The following TYW1B variants were observed in gnomAD, a reference collection of about 807,000 sequenced individuals.
TYW1B encodes the protein tRNA-yW synthesizing protein 1 homolog B.
In TYW1B, 73 loss-of-function variants were observed where a neutral mutation model predicts 86.9. That is an observed-to-expected ratio of 0.84 (90% CI 0.70 to 1.02). The LOEUF is 1.02. Ranked by LOEUF, TYW1B falls within the 50% of genes least tolerant of loss-of-function variation. TYW1B has a pLI of 0.00. For synonymous variants in TYW1B, 248 were observed against 292.8 expected (o/e 0.85, Z 1.56); for missense variants, 637 against 827.4 (o/e 0.77, Z 2.82).
chr7:72,800,442 TC>T (rs1237608447), intron 6 of TYW1B, among the ~76,000 whole-genome samples: 3 of 152,048 alleles, frequency 2.0e-5, no homozygotes, highest in African/African-American at 7.2e-5. Flanking sequence ...CAAGAAATCC[TC>T]CCATCACGTC....
chr7:72,595,093 C>G (rs1811497634), intron 13 of TYW1B, among the ~76,000 whole-genome samples: 1 of 152,120 alleles, frequency 6.6e-6, no homozygotes, highest in African/African-American at 2.4e-5. Flanking sequence ...CAAGGATGAC[C>G]ATCTTCACTA....
intron 7 of TYW1B, among the ~76,000 whole-genome samples, chr7:72,761,909 G>A (rs77130451): frequency 0.021 from 3,117 of 151,998 alleles, 129 homozygotes; most frequent in African/African-American, 0.072. Flanking sequence ...AATGATCTGA[G>A]AAAAGTCATG....
intron 8 of TYW1B, among the ~76,000 whole-genome samples, chr7:72,731,974 C>T (rs1787121037): frequency 6.6e-6 from 1 of 151,888 alleles, no homozygotes; most frequent in Non-Finnish European, 1.5e-5. Context: ...AAAAAGCAAG[C>T]AAGAGTAGCT....
intron 8 of TYW1B, among the ~76,000 whole-genome samples, chr7:72,740,889 C>A (rs1271152377): frequency 6.6e-6 from 1 of 151,898 alleles, no homozygotes; most frequent in African/African-American, 2.4e-5. Context: ...CACCACCACG[C>A]CTGGCTAATT....
intron 5 of TYW1B, 104 bp from the exon 6 acceptor site, chr7:72,802,626 T>C: frequency 2.0e-6 from 3 of 1,504,186 alleles, no homozygotes; most frequent in Non-Finnish European, 2.7e-6. Flanking sequence ...TAAATTCTTT[T>C]TTTTTTTTCT....
At chr7:72,747,027 A>T (rs1409866596) in intron 7 of TYW1B, among the ~76,000 whole-genome samples, 1 of 151,878 alleles carries the variant, frequency 6.6e-6, no homozygotes, top group Non-Finnish European at 1.5e-5. Context: ...TGGGTCTTTT[A>T]TTTTTTTCTG....
At position 72,816,695 on chromosome 7, in the gene TYW1B, C is replaced by T. The variant is rs571579033; in HGVS notation, c.136-1214G>A. ...GAGAACACTAAGGAAAGAAGAGGGG[C>T]TGGAGATTGAGCTTAATCACCAAGG... On this transcript the variant is annotated intron_variant, in intron 2 of 13. Transcript: ENST00000620995. Among the ~76,000 whole-genome samples, 3 of 152,296 alleles carry T rather than the reference C, an allele frequency of 2.0e-5. No homozygotes were observed. In the South Asian group the frequency reaches 6.2e-4, roughly 32 times the overall value.
At chr7:72,813,090 T>C (rs1163476232) in intron 3 of TYW1B, among the ~76,000 whole-genome samples, 1 of 151,850 alleles carries the variant, frequency 6.6e-6, no homozygotes, top group Non-Finnish European at 1.5e-5. Context: ...CAAAACTGAG[T>C]AGCTGCCCAG....
rs1294397181 is a variant in TYW1B at position 72,575,061 on chromosome 7, C to G, written c.*437G>C. The G allele has an allele frequency of 1.0e-6, 1 of 1,001,006 alleles. No homozygotes were observed. Among genetic ancestry groups the G allele is most frequent in the African/African-American group, 1.7e-5 (1 of 57,652 alleles). The allele number at this position is 1,001,006 out of a possible 1,614,324, so 62.0% of individuals were successfully genotyped here. ...GCTCTTATCTTAGAAAGCACAGACA[C>G]GTTTAGCTCAGGGTAGTGCAATTCA... is the stretch of plus-strand genomic sequence containing the variant. On this transcript the variant is annotated 3_prime_UTR_variant, in exon 14 of 14. Coordinates refer to ENST00000620995, the MANE Select transcript of TYW1B (RefSeq NM_001145440.3).
chr7:72,735,604 T>C (rs1236747743), intron 8 of TYW1B, among the ~76,000 whole-genome samples: 2 of 147,078 alleles, frequency 1.4e-5, no homozygotes, highest in Non-Finnish European at 3.0e-5. Context: ...GTGCAGTGGC[T>C]CAAGCCTGTA....
intron 6 of TYW1B, among the ~76,000 whole-genome samples, chr7:72,790,493 C>T (rs1406533479): frequency 6.6e-6 from 1 of 152,128 alleles, no homozygotes; most frequent in African/African-American, 2.4e-5. Flanking sequence ...GCTGGTCTGC[C>T]CCACTGGGTC....
chr7:72,579,274 A>G (rs1811094675), intron 13 of TYW1B, among the ~76,000 whole-genome samples: 1 of 151,984 alleles, frequency 6.6e-6, no homozygotes, highest in South Asian at 2.1e-4. Context: ...TGACTCTAAA[A>G]CTCTGCTCTG....
chr7:72,632,285 G>GTATATATATATATA (rs1239640717), intron 11 of TYW1B, among the ~76,000 whole-genome samples: 1 of 83,568 alleles, frequency 1.2e-5, no homozygotes. Flanking sequence ...ATATATACGT[G>GTATATATATATATA]TATATATATA....
intron 11 of TYW1B, among the ~76,000 whole-genome samples, chr7:72,644,710 G>T (rs1209015880): frequency 1.3e-5 from 2 of 151,346 alleles, no homozygotes; most frequent in African/African-American, 2.4e-5. Context: ...ATTGCAGTGG[G>T]GAAAAAAATC....
intron 11 of TYW1B, among the ~76,000 whole-genome samples, chr7:72,642,271 T>G (rs1397644421): frequency 1.3e-5 from 2 of 152,198 alleles, no homozygotes; most frequent in African/African-American, 4.8e-5. Flanking sequence ...AAGGTAAATC[T>G]CTGTCACCTT....
At chr7:72,792,095 C>G (rs1262971413) in intron 6 of TYW1B, among the ~76,000 whole-genome samples, 6 of 152,134 alleles carry the variant, frequency 3.9e-5, no homozygotes, top group South Asian at 2.1e-4. Context: ...TTTGGGAGAC[C>G]GAGGCGGGTG....
chr7:72,758,172 A>G (rs1453774364), intron 7 of TYW1B, among the ~76,000 whole-genome samples: 1 of 152,112 alleles, frequency 6.6e-6, no homozygotes, highest in Non-Finnish European at 1.5e-5. Flanking sequence ...GTGAGCCGAG[A>G]TTGTGCCACT....
chr7:72,652,575 A>C (rs1464501110), intron 11 of TYW1B, among the ~76,000 whole-genome samples: 6 of 152,052 alleles, frequency 3.9e-5, no homozygotes, highest in African/African-American at 9.7e-5. Context: ...GTGGGGGATG[A>C]CAGGGAAGAA....
intron 10 of TYW1B, among the ~76,000 whole-genome samples, chr7:72,707,807 G>A (rs34998403): frequency 8.1e-4 from 124 of 152,270 alleles, no homozygotes; most frequent in African/African-American, 2.8e-3. Flanking sequence ...TGTTGAATTC[G>A]TAATGCTCAA....
Sources: allele counts gnomAD v4.1 joint callset (sites outside exome capture counted in the v4.1 genomes callset), GRCh38; gene constraint gnomAD v4.1.1; transcripts MANE v1.5; gene names NCBI Gene and HGNC (gene_info 2026-07-23, HGNC 2026-07-21).